GPATCH2: variants seen among roughly 807,000 people sequenced by gnomAD.
The protein encoded by GPATCH2 is G patch domain-containing protein 2.
GPATCH2 carries 51 observed loss-of-function variants against 58.0 expected under a neutral mutation model. That is an observed-to-expected ratio of 0.88 (90% CI 0.70 to 1.11). The LOEUF is 1.11. Ranked by LOEUF, GPATCH2 falls within the 50% of genes most tolerant of loss-of-function variation. The probability of loss-of-function intolerance (pLI) is 0.00; values close to 1 mark genes in which losing one functional copy is unlikely to be tolerated. For synonymous variants in GPATCH2, 222 were observed against 218.5 expected, an observed-to-expected ratio of 1.02 and a Z score of -0.14; for missense variants, 625 against 652.2, an observed-to-expected ratio of 0.96 and a Z score of 0.45.
Position 217,514,909 on chromosome 1 carries a change from G to GA in GPATCH2, c.1099-21dup. The GA allele has an allele frequency of 1.6e-6, 2 of 1,216,056 alleles. No individual in the cohort carries two copies. The highest frequency in any genetic ancestry group is 2.4e-6 in the Non-Finnish European group (2 of 822,166). 75.3% of individuals were successfully genotyped at this position (1,216,056 alleles called of 1,614,324 possible). Reference sequence around the variant, plus strand: ...GGGTACCTACAGGGAGATTTAAAAAGAAAAAATAAATTTCAGATTTGTTTA... The same window carrying GA: ...GGGTACCTACAGGGAGATTTAAAAAGAAAAAAATAAATTTCAGATTTGTTTA... On this transcript the variant is annotated intron_variant, in intron 5 of 9. Coordinates refer to ENST00000366935, the MANE Select transcript of GPATCH2 (RefSeq NM_018040.5).
At chr1:217,463,778 T>G (rs1389614574) in intron 8 of GPATCH2, among the ~76,000 whole-genome samples, 1 of 151,874 alleles carries the variant, frequency 6.6e-6, no homozygotes, top group Non-Finnish European at 1.5e-5. Flanking sequence ...ATAAATAGAT[T>G]TGGGTTCCCT....
chr1:217,590,526 C>T lies in GPATCH2; in HGVS notation c.1098+19795G>A, dbSNP rs557602383. ...GGAAAGAAATGATACATCTTTTCAG[C>T]TTAGGCTAAGATAGGGAAGATGATA... is the stretch of plus-strand genomic sequence containing the variant. On this transcript the variant is annotated intron_variant, in intron 5 of 9. Coordinates refer to ENST00000366935, the MANE Select transcript of GPATCH2 (RefSeq NM_018040.5). 8.5e-5 allele frequency among the ~76,000 whole-genome samples: 13 copies of T among 152,320 alleles called. No homozygotes were observed. The South Asian group carries it at 2.5e-3, about 29-fold the overall frequency.
intron 5 of GPATCH2, among the ~76,000 whole-genome samples, chr1:217,600,524 T>C (rs1223298551): frequency 1.3e-5 from 2 of 152,162 alleles, no homozygotes; most frequent in Non-Finnish European, 2.9e-5. Flanking sequence ...ATATTAGATA[T>C]CTGACATATC....
chr1:217,449,542 T>A (rs138852453), intron 8 of GPATCH2, among the ~76,000 whole-genome samples: 3 of 152,360 alleles, frequency 2.0e-5, no homozygotes, highest in Non-Finnish European at 4.4e-5. Context: ...AAATTGTTAC[T>A]GGAATGAATA....
intron 6 of GPATCH2, among the ~76,000 whole-genome samples, chr1:217,512,508 A>G (rs528647019): frequency 6.6e-6 from 1 of 152,314 alleles, no homozygotes; most frequent in Admixed American, 6.5e-5. Context: ...GATTTCTCTG[A>G]CAAAGAGCAT....
chr1:217,553,358 T>G (rs1227207735), intron 5 of GPATCH2, among the ~76,000 whole-genome samples: 16 of 152,222 alleles, frequency 1.1e-4, no homozygotes, highest in Admixed American at 9.2e-4. Flanking sequence ...TTTAAAAAAT[T>G]TGGTATACAT....
intron 6 of GPATCH2, among the ~76,000 whole-genome samples, chr1:217,512,296 C>T (rs1347322924): frequency 1.3e-5 from 2 of 152,068 alleles, no homozygotes; most frequent in Non-Finnish European, 2.9e-5. Flanking sequence ...CCATTGCACT[C>T]CAGCCTGGGC....
chr1:217,523,163 T>A (rs943141899), intron 5 of GPATCH2, among the ~76,000 whole-genome samples: 6 of 151,532 alleles, frequency 4.0e-5, no homozygotes, highest in Non-Finnish European at 8.8e-5. Context: ...AGAAAAAAAA[T>A]TTCAGTTTTT....
intron 5 of GPATCH2, among the ~76,000 whole-genome samples, chr1:217,543,385 T>A (rs1184636377): frequency 6.7e-6 from 1 of 148,894 alleles, no homozygotes; most frequent in Non-Finnish European, 1.5e-5. Context: ...TTCTCCTGCC[T>A]CAGCCTCCCG....
At chr1:217,589,027 G>A (rs1417423414) in intron 5 of GPATCH2, among the ~76,000 whole-genome samples, 1 of 152,146 alleles carries the variant, frequency 6.6e-6, no homozygotes, top group Non-Finnish European at 1.5e-5. Context: ...GAGCAATTAT[G>A]AACAGGCCAT....
chr1:217,464,013 T>A (rs1348586236), intron 8 of GPATCH2, among the ~76,000 whole-genome samples: 1 of 152,122 alleles, frequency 6.6e-6, no homozygotes. Flanking sequence ...AAACATCATT[T>A]TTTTTCTAGT....
intron 8 of GPATCH2, among the ~76,000 whole-genome samples, chr1:217,460,721 C>T (rs1274467433): frequency 6.6e-6 from 1 of 152,154 alleles, no homozygotes; most frequent in Admixed American, 6.6e-5. Context: ...TTGAAAATTC[C>T]CCTTAAGAAA....
chr1:217,594,343 ATATTT>A (rs1414976666), intron 5 of GPATCH2, among the ~76,000 whole-genome samples: 5 of 152,164 alleles, frequency 3.3e-5, no homozygotes, highest in African/African-American at 1.2e-4. Context: ...TAAAAAAAGT[ATATTT>A]TATTATTAAA....
chr1:217,481,504 T>C (rs1165757138), intron 8 of GPATCH2, among the ~76,000 whole-genome samples: 3 of 152,192 alleles, frequency 2.0e-5, no homozygotes, highest in Non-Finnish European at 4.4e-5. Flanking sequence ...TATAAGTTTA[T>C]AGAACAATTT....
intron 9 of GPATCH2, among the ~76,000 whole-genome samples, chr1:217,431,927 TA>T (rs1658556660): frequency 6.6e-6 from 1 of 152,212 alleles, no homozygotes; most frequent in Admixed American, 6.5e-5. Context: ...CCTTGTTATT[TA>T]TTATTCAGTC....
chr1:217,474,925 A>C (rs1407140299), intron 8 of GPATCH2, among the ~76,000 whole-genome samples: 1 of 152,222 alleles, frequency 6.6e-6, no homozygotes, highest in African/African-American at 2.4e-5. Context: ...GAATGAGAGT[A>C]ACATAGAAAA....
intron 5 of GPATCH2, among the ~76,000 whole-genome samples, chr1:217,602,062 T>C (rs1668133868): frequency 6.6e-6 from 1 of 152,166 alleles, no homozygotes. Flanking sequence ...TAGGCATGGA[T>C]CTTAGCCTCC....
chr1:217,562,654 T>G lies in GPATCH2; in HGVS notation c.1098+47667A>C, dbSNP rs191691786. 2.6e-5 allele frequency among the ~76,000 whole-genome samples: 4 copies of G among 152,330 alleles called. No individual in the cohort carries two copies. In the East Asian group the frequency reaches 7.7e-4, roughly 29 times the overall value. On this transcript the variant is annotated intron_variant, in intron 5 of 9. Transcript: ENST00000366935. ...GTTTTCGGCTCACTGAGCTTCCATA[T>G]TATCATTAATAAACTGGAGATAGAC...
chr1:217,519,874 T>A (rs976420445), intron 5 of GPATCH2, among the ~76,000 whole-genome samples: 4 of 152,238 alleles, frequency 2.6e-5, no homozygotes, highest in Non-Finnish European at 4.4e-5. Flanking sequence ...ATGTGTTCCC[T>A]TTCAGTTGGG....
Sources: gnomAD v4.1 joint callset for allele counts (sites outside exome capture counted in the v4.1 genomes callset) on GRCh38, gnomAD v4.1.1 for gene constraint, MANE v1.5 for transcripts, NCBI Gene and HGNC (gene_info 2026-07-23, HGNC 2026-07-21) for gene names.